The following SUPT3H variants were observed in gnomAD, a reference collection of about 807,000 sequenced individuals.
SUPT3H encodes SPT3 homolog, SAGA and STAGA complex component, also known as transcription initiation protein SPT3 homolog.
SUPT3H carries 44 observed loss-of-function variants against 44.3 expected under a neutral mutation model. The observed-to-expected ratio is 0.99, with a 90% CI of 0.78 to 1.28. The LOEUF is 1.28. Ranked by LOEUF, SUPT3H falls within the 50% of genes most tolerant of loss-of-function variation. The probability of loss-of-function intolerance (pLI) is 0.00; values close to 1 mark genes in which losing one functional copy is unlikely to be tolerated. For synonymous variants in SUPT3H, 124 were observed against 125.6 expected (o/e 0.99, Z 0.09); for missense variants, 380 against 387.1 (o/e 0.98, Z 0.15).
chr6:45,344,633 A>G (rs1283309511), intron 2 of SUPT3H, among the ~76,000 whole-genome samples: 2 of 152,164 alleles, frequency 1.3e-5, no homozygotes, highest in African/African-American at 4.8e-5. Flanking sequence ...TTTAAAACCC[A>G]TTAAAAATCA....
rs566245401 is a variant in SUPT3H, at chr6:45,092,403, C to A, written c.186+13519G>T. Among the ~76,000 whole-genome samples the A allele has an allele frequency of 1.1e-4, 17 of 152,200 alleles. 1 individual carries two copies. The South Asian group carries it at 3.5e-3, about 32-fold the overall frequency. ...TCTATCCTGAAGATGTTTTCTTAAGCCTTTTCTAGTTGACACATTTATTTA... is the reference window on the plus strand; with the variant it reads ...TCTATCCTGAAGATGTTTTCTTAAGACTTTTCTAGTTGACACATTTATTTA... On this transcript the variant is annotated intron_variant, in intron 3 of 10. Transcript: ENST00000371459.
chr6:45,199,788 T>G (rs1762185429), intron 2 of SUPT3H, among the ~76,000 whole-genome samples: 1 of 151,498 alleles, frequency 6.6e-6, no homozygotes, highest in Non-Finnish European at 1.5e-5. Context: ...CAAAAGCCAT[T>G]CATAATTCAG....
chr6:45,321,995 C>T, intron 2 of SUPT3H: 1 of 671,396 alleles, frequency 1.5e-6, no homozygotes, highest in Non-Finnish European at 2.5e-6. Flanking sequence ...TGTGACCTCC[C>T]AGTTCCCAAG....
intron 10 of SUPT3H, among the ~76,000 whole-genome samples, chr6:44,911,917 T>C (rs888290916): frequency 6.6e-6 from 1 of 152,200 alleles, no homozygotes; most frequent in Non-Finnish European, 1.5e-5. Flanking sequence ...ATTGCATTCA[T>C]ACCCAGAGAA....
intron 10 of SUPT3H, among the ~76,000 whole-genome samples, chr6:44,840,893 A>G (rs1488445954): frequency 6.6e-6 from 1 of 152,236 alleles, no homozygotes; most frequent in East Asian, 1.9e-4. Context: ...TGGTGATATT[A>G]AAGAGTCAAA....
intron 2 of SUPT3H, among the ~76,000 whole-genome samples, chr6:45,348,890 T>C (rs964293160): frequency 2.0e-5 from 3 of 152,150 alleles, no homozygotes; most frequent in Non-Finnish European, 2.9e-5. Context: ...CATTACACTA[T>C]CTCATAGTAT....
chr6:45,343,679 T>C (rs781078107), intron 2 of SUPT3H, among the ~76,000 whole-genome samples: 1 of 152,210 alleles, frequency 6.6e-6, no homozygotes, highest in African/African-American at 2.4e-5. Context: ...ATGTTGTCAA[T>C]GATGTCTCAC....
At position 45,152,145 on chromosome 6, in the gene SUPT3H, A is replaced by C. The variant is rs116397544; in HGVS notation, c.102-46139T>G. ...CTGCTAACTTGGTATCATAAACAGA[A>C]CACACCCAAAATTAAGAAGAAAATC... On this transcript the variant is annotated intron_variant, in intron 2 of 10. Transcript: ENST00000371459. 5.6e-4 allele frequency among the ~76,000 whole-genome samples: 86 copies of C among 152,228 alleles called. 1 individual carries two copies. Among genetic ancestry groups the C allele is most frequent in the South Asian group, 1.9e-3 (9 of 4,818 alleles).
At chr6:45,364,403 T>A (rs1480721667) in intron 2 of SUPT3H, among the ~76,000 whole-genome samples, 3 of 152,182 alleles carry the variant, frequency 2.0e-5, no homozygotes, top group African/African-American at 7.2e-5. Flanking sequence ...GGAAGACACT[T>A]AAACCTTCAA....
intron 3 of SUPT3H, among the ~76,000 whole-genome samples, chr6:45,045,913 T>C (rs1789320311): frequency 6.6e-6 from 1 of 152,190 alleles, no homozygotes; most frequent in Non-Finnish European, 1.5e-5. Context: ...TTTTTTAATG[T>C]TGGTGAAGTT....
At chr6:45,167,061 T>C (rs1810007546) in intron 2 of SUPT3H, among the ~76,000 whole-genome samples, 1 of 152,180 alleles carries the variant, frequency 6.6e-6, no homozygotes, top group Non-Finnish European at 1.5e-5. Flanking sequence ...AATTTTTTAA[T>C]AAAAAGCCTT....
At chr6:44,833,348 A>C (rs1334395981) in intron 10 of SUPT3H, among the ~76,000 whole-genome samples, 4 of 152,160 alleles carry the variant, frequency 2.6e-5, no homozygotes, top group Middle Eastern at 3.2e-3. Flanking sequence ...TATTCTGTAA[A>C]TCACTGTGTG....
intron 2 of SUPT3H, among the ~76,000 whole-genome samples, chr6:45,289,453 T>A (rs1300283683): frequency 6.6e-6 from 1 of 152,174 alleles, no homozygotes. Flanking sequence ...ATTGAGGAAG[T>A]GGAAATCTGA....
intron 2 of SUPT3H, among the ~76,000 whole-genome samples, chr6:45,266,271 T>A (rs1228544454): frequency 2.0e-5 from 3 of 151,998 alleles, no homozygotes; most frequent in East Asian, 1.9e-4. Flanking sequence ...ACTGTAAAAA[T>A]TTTTTTTAAA....
intron 3 of SUPT3H, chr6:45,099,119 A>C (rs546554851): frequency 1.7e-5 from 6 of 347,938 alleles, no homozygotes; most frequent in South Asian, 1.4e-4. Flanking sequence ...CTAGTCTTCC[A>C]CACCCCCAAC....
At chr6:44,865,449 A>C (rs1433693046) in intron 10 of SUPT3H, among the ~76,000 whole-genome samples, 3 of 152,058 alleles carry the variant, frequency 2.0e-5, no homozygotes, top group Non-Finnish European at 2.9e-5. Context: ...CATACCCAAG[A>C]CTGGGTAATT....
intron 2 of SUPT3H, among the ~76,000 whole-genome samples, chr6:45,356,518 C>T (rs550465161): frequency 6.6e-6 from 1 of 152,210 alleles, no homozygotes; most frequent in African/African-American, 2.4e-5. Flanking sequence ...CTGCCTCAGC[C>T]TCCTGAGTAG....
intron 10 of SUPT3H, among the ~76,000 whole-genome samples, chr6:44,928,429 A>G (rs986163272): frequency 6.6e-6 from 1 of 152,118 alleles, no homozygotes; most frequent in African/African-American, 2.4e-5. Flanking sequence ...CACAGTTGCA[A>G]AAGTGTGTAT....
intron 2 of SUPT3H, among the ~76,000 whole-genome samples, chr6:45,364,069 T>G (rs1794719852): frequency 6.6e-6 from 1 of 151,426 alleles, no homozygotes; most frequent in Non-Finnish European, 1.5e-5. Flanking sequence ...GAGCCAAGAT[T>G]GTGCCACTGC....
Sources: gnomAD v4.1 joint callset for allele counts (sites outside exome capture counted in the v4.1 genomes callset) on GRCh38, gnomAD v4.1.1 for gene constraint, MANE v1.5 for transcripts, NCBI Gene and HGNC (gene_info 2026-07-23, HGNC 2026-07-21) for gene names.